Variants in NSMCE2 observed in about 807,000 individuals in gnomAD.
The protein encoded by NSMCE2 is NSE2 SUMO ligase component of SMC5/6 complex, also known as E3 SUMO-protein ligase NSE2.
In NSMCE2, 24 loss-of-function variants were observed where a neutral mutation model predicts 23.8. The ratio of observed to expected loss-of-function variants is 1.01; its 90% CI spans 0.73 to 1.42. The LOEUF (loss-of-function observed/expected upper bound fraction) is 1.42, where lower values mean the gene tolerates loss of function less well. Among genes scored for constraint, NSMCE2 ranks in the 40% most tolerant of loss-of-function variants. The probability of loss-of-function intolerance (pLI) is 0.00; values close to 1 mark genes in which losing one functional copy is unlikely to be tolerated. For synonymous variants in NSMCE2, 92 were observed against 94.1 expected (o/e 0.98, Z 0.13); for missense variants, 284 against 296.5 (o/e 0.96, Z 0.31).
At chr8:125,155,751 G>A (rs1821272987) in intron 4 of NSMCE2, among the ~76,000 whole-genome samples, 1 of 152,186 alleles carries the variant, frequency 6.6e-6, no homozygotes, top group Non-Finnish European at 1.5e-5. Flanking sequence ...AAATTGCTCA[G>A]GGTAGGTTTG....
intron 5 of NSMCE2, among the ~76,000 whole-genome samples, chr8:125,319,452 G>GTGAT (rs1275082809): frequency 6.6e-6 from 1 of 152,128 alleles, no homozygotes. Flanking sequence ...AACAATTATT[G>GTGAT]TGATTGCATT....
chr8:125,252,941 A>T (rs539635912), intron 5 of NSMCE2, among the ~76,000 whole-genome samples: 176 of 152,230 alleles, frequency 1.2e-3, no homozygotes, highest in Non-Finnish European at 1.8e-3. Flanking sequence ...CCTTAAGCCT[A>T]AATTTTCTTA....
chr8:125,254,567 A>G (rs779123315), intron 5 of NSMCE2, among the ~76,000 whole-genome samples: 1 of 151,758 alleles, frequency 6.6e-6, no homozygotes, highest in African/African-American at 2.4e-5. Flanking sequence ...ACTGACCCAC[A>G]TGGGTTCTTT....
At chr8:125,354,151 C>G (rs1383226446) in intron 5 of NSMCE2, among the ~76,000 whole-genome samples, 1 of 151,968 alleles carries the variant, frequency 6.6e-6, no homozygotes, top group Non-Finnish European at 1.5e-5. Flanking sequence ...AGGCTGGTCT[C>G]GAACTCCTGA....
At chr8:125,201,794 A>G (rs1417441221) in intron 5 of NSMCE2, among the ~76,000 whole-genome samples, 1 of 152,240 alleles carries the variant, frequency 6.6e-6, no homozygotes, top group Non-Finnish European at 1.5e-5. Context: ...TGCCCTGTCC[A>G]CAGAGGTGGA....
intron 5 of NSMCE2, among the ~76,000 whole-genome samples, chr8:125,204,785 C>T (rs776729284): frequency 1.4e-4 from 21 of 152,188 alleles, no homozygotes; most frequent in Non-Finnish European, 2.2e-4. Context: ...TACCAGTCCC[C>T]TCTCCATTAC....
intron 5 of NSMCE2, among the ~76,000 whole-genome samples, chr8:125,234,640 C>T (rs1386073205): frequency 6.6e-6 from 1 of 152,134 alleles, no homozygotes; most frequent in East Asian, 1.9e-4. Context: ...ATCTCATATA[C>T]ACCTTGTAAA....
At position 125,094,082 on chromosome 8, in the gene NSMCE2, G is replaced by A. The variant is rs116330125; in HGVS notation, c.-111+2124G>A. On this transcript the variant is annotated intron_variant, in intron 1 of 7. Transcript: ENST00000287437. ...CCCTTTCAAAGTGCTGGGATTATAG[G>A]CATGAGCCACCACACCCAGCCTGAA... Among the ~76,000 whole-genome samples the A allele has an allele frequency of 8.8e-3, 1,346 of 152,166 alleles. 23 individuals carry two copies. Among genetic ancestry groups the A allele is most frequent in the African/African-American group, 0.03 (1,242 of 41,506 alleles).
chr8:125,233,331 A>G (rs1179227718), intron 5 of NSMCE2, among the ~76,000 whole-genome samples: 2 of 152,180 alleles, frequency 1.3e-5, no homozygotes, highest in African/African-American at 4.8e-5. Flanking sequence ...ATTAATTTTT[A>G]TTGATCTTTT....
intron 5 of NSMCE2, among the ~76,000 whole-genome samples, chr8:125,197,374 A>G (rs982365210): frequency 6.6e-6 from 1 of 152,188 alleles, no homozygotes; most frequent in Non-Finnish European, 1.5e-5. Context: ...TAACTTTTGT[A>G]TAAGGTGTAA....
At chr8:125,254,540 C>CT (rs1467933545) in intron 5 of NSMCE2, among the ~76,000 whole-genome samples, 2 of 152,120 alleles carry the variant, frequency 1.3e-5, no homozygotes, top group African/African-American at 4.8e-5. Flanking sequence ...TCCTGAATCA[C>CT]TGCCATTTTT....
intron 1 of NSMCE2, among the ~76,000 whole-genome samples, chr8:125,099,176 T>C (rs938503555): frequency 3.9e-5 from 6 of 152,090 alleles, no homozygotes; most frequent in African/African-American, 1.5e-4. Flanking sequence ...CTAGACACTA[T>C]AAACCTAATA....
intron 5 of NSMCE2, among the ~76,000 whole-genome samples, chr8:125,264,755 C>A (rs1326167151): frequency 6.6e-6 from 1 of 152,138 alleles, no homozygotes; most frequent in Non-Finnish European, 1.5e-5. Context: ...TCGCCAGACT[C>A]ATTTTCTGGG....
intron 5 of NSMCE2, among the ~76,000 whole-genome samples, chr8:125,302,192 A>G (rs951418075): frequency 6.6e-6 from 1 of 152,034 alleles, no homozygotes; most frequent in Non-Finnish European, 1.5e-5. Context: ...CCTGGCCTCA[A>G]GTCATCTGCC....
intron 5 of NSMCE2, among the ~76,000 whole-genome samples, chr8:125,316,344 C>T (rs1829176736): frequency 6.6e-6 from 1 of 152,186 alleles, no homozygotes; most frequent in African/African-American, 2.4e-5. Flanking sequence ...AGCTAACTGC[C>T]TTCTTGGGAA....
At chr8:125,191,621 C>T (rs1487049898) in intron 5 of NSMCE2, among the ~76,000 whole-genome samples, 1 of 152,110 alleles carries the variant, frequency 6.6e-6, no homozygotes, top group Non-Finnish European at 1.5e-5. Flanking sequence ...TTCCAGATCT[C>T]CATGGTTTTG....
chr8:125,261,579 A>G (rs1826692447), intron 5 of NSMCE2, among the ~76,000 whole-genome samples: 1 of 152,160 alleles, frequency 6.6e-6, no homozygotes, highest in Non-Finnish European at 1.5e-5. Flanking sequence ...TGGAAATTTA[A>G]TTAATATACT....
At chr8:125,192,607 G>A (rs1301336219) in intron 5 of NSMCE2, among the ~76,000 whole-genome samples, 1 of 152,148 alleles carries the variant, frequency 6.6e-6, no homozygotes, top group Non-Finnish European at 1.5e-5. Flanking sequence ...TTGAAATCGA[G>A]CACAGTCATA....
chr8:125,114,377 G>C (rs751882821), intron 3 of NSMCE2, among the ~76,000 whole-genome samples: 3 of 152,170 alleles, frequency 2.0e-5, no homozygotes, highest in Non-Finnish European at 4.4e-5. Context: ...ATAAATGAAA[G>C]AATGTGTTTA....
Sources: allele counts gnomAD v4.1 joint callset (sites outside exome capture counted in the v4.1 genomes callset), GRCh38; gene constraint gnomAD v4.1.1; transcripts MANE v1.5; gene names NCBI Gene and HGNC (gene_info 2026-07-23, HGNC 2026-07-21).